FLACC1: variants seen among roughly 807,000 people sequenced by gnomAD.
FLACC1 encodes flagellum-associated coiled-coil domain-containing protein 1.
FLACC1 carries 66 observed loss-of-function variants against 62.8 expected under a neutral mutation model. That is an observed-to-expected ratio of 1.05 (90% CI 0.86 to 1.29). FLACC1 has a LOEUF of 1.29. Ranked by LOEUF, FLACC1 falls within the 50% of genes most tolerant of loss-of-function variation. The pLI, the probability that FLACC1 is intolerant of heterozygous loss-of-function variation, is 0.00. For synonymous variants in FLACC1, 156 were observed against 161.0 expected (o/e 0.97, Z 0.24); for missense variants, 452 against 489.1 (o/e 0.92, Z 0.71).
Position 201,350,681 on chromosome 2 carries a change from AAAAAC to A in FLACC1, c.185+25_185+29del, listed in dbSNP as rs755018300. 2.1e-4 allele frequency: 333 copies of A among 1,600,026 alleles called. No individual in the cohort carries two copies. The East Asian group carries it at 3.3e-3, about 16-fold the overall frequency. On this transcript the variant is annotated intron_variant, in intron 3 of 14. Transcript: ENST00000392257. ...GGGCAACAGAGTGAGACTCCATCTC[AAAAAC>A]AAAACAAAACAAAACAATACTTACT... is the stretch of plus-strand genomic sequence containing the variant.
intron 9 of FLACC1, among the ~76,000 whole-genome samples, chr2:201,321,413 TC>T (rs1950401422): frequency 1.3e-5 from 2 of 152,182 alleles, no homozygotes; most frequent in Admixed American, 1.3e-4. Flanking sequence ...GTGGGAAGTT[TC>T]TTTCAGCAGA....
At chr2:201,293,771 C>T (rs2125536633) in intron 12 of FLACC1, among the ~76,000 whole-genome samples, 1 of 151,634 alleles carries the variant, frequency 6.6e-6, no homozygotes, top group South Asian at 2.1e-4. Flanking sequence ...TAATAGAATG[C>T]TAGCAAGACT....
rs1219524642 is a variant in FLACC1, at chr2:201,297,846, G to A, written c.942+1392C>T. ...GAGAAAAGCAAGTGTTGGGCAGGGA[G>A]CGGAGCCCTTAAATCGGGCACCTTC... is the stretch of plus-strand genomic sequence containing the variant. On this transcript the variant is annotated intron_variant, in intron 12 of 14. Transcript: ENST00000392257. Among the ~76,000 whole-genome samples, 4 of 152,298 alleles carry A rather than the reference G, an allele frequency of 2.6e-5. No individual in the cohort carries two copies. In the South Asian group the frequency reaches 8.3e-4, roughly 32 times the overall value.
chr2:201,326,726 G>C lies in FLACC1; in HGVS notation c.675+3744C>G, dbSNP rs1950506736. Among the ~76,000 whole-genome samples the C allele has an allele frequency of 6.6e-6, 1 of 152,104 alleles. No homozygotes were observed. The highest frequency in any genetic ancestry group is 2.1e-4 in the South Asian group (1 of 4,830). On this transcript the variant is annotated intron_variant, in intron 9 of 14. Transcript: ENST00000392257. This position sits in a 1 kb window ranked among gnomAD's most constrained non-coding sequence, Gnocchi z 4.1. ...CATGGATTGGAAGAATCAACGTTGT[G>C]AAAATGACCATACTGCCCAAAGTAA...
chr2:201,288,458 C>CATT lies in FLACC1; in HGVS notation c.*194_*196dup. On this transcript the variant is annotated 3_prime_UTR_variant, in exon 15 of 15. Transcript: ENST00000392257. Reference sequence around the variant, plus strand: ...GCTCAGCTCCCAGTATGGAGAGCATCATTTTTCAGTGAAGAGTCCGTGATA... The same window carrying CATT: ...GCTCAGCTCCCAGTATGGAGAGCATCATTATTTTTCAGTGAAGAGTCCGTGATA... The CATT allele has an allele frequency of 3.6e-6, 2 of 550,034 alleles. No individual in the cohort carries two copies. The highest frequency in any genetic ancestry group is 6.0e-6 in the Non-Finnish European group (2 of 335,150). 34.1% of individuals were successfully genotyped at this position (550,034 alleles called of 1,614,324 possible).
intron 4 of FLACC1, 124 bp downstream of exon 4, chr2:201,348,130 A>G: frequency 1.1e-6 from 1 of 940,418 alleles, no homozygotes; most frequent in Non-Finnish European, 1.5e-6. Flanking sequence ...TATTAACAGC[A>G]CCTCCTCCCA....
chr2:201,350,072 C>G (rs1045740860), intron 3 of FLACC1, among the ~76,000 whole-genome samples: 3 of 152,166 alleles, frequency 2.0e-5, no homozygotes, highest in African/African-American at 7.2e-5. Context: ...TGCCTGAAAC[C>G]ATTTCTGCCT....
At chr2:201,340,794 A>C (rs1950792464) in intron 7 of FLACC1, among the ~76,000 whole-genome samples, 1 of 152,180 alleles carries the variant, frequency 6.6e-6, no homozygotes, top group Non-Finnish European at 1.5e-5. Context: ...TCTGTAAGGC[A>C]GGCATAGTGG....
intron 12 of FLACC1, among the ~76,000 whole-genome samples, chr2:201,293,817 C>A (rs1323888310): frequency 2.0e-5 from 3 of 148,766 alleles, no homozygotes; most frequent in Non-Finnish European, 4.5e-5. Context: ...CAAATAGACG[C>A]AAAAAAAAAC....
At chr2:201,291,271 C>A (rs1481398360) in intron 12 of FLACC1, among the ~76,000 whole-genome samples, 2 of 152,188 alleles carry the variant, frequency 1.3e-5, no homozygotes, top group African/African-American at 4.8e-5. Context: ...CTGGGAGGCA[C>A]CCCCCAGTAG....
At chr2:201,303,102 G>A (rs1171079727) in intron 11 of FLACC1, among the ~76,000 whole-genome samples, 2 of 102,198 alleles carry the variant, frequency 2.0e-5, no homozygotes, top group African/African-American at 6.9e-5. Flanking sequence ...GAAGGAGATA[G>A]AGACACAAAA....
intron 9 of FLACC1, among the ~76,000 whole-genome samples, chr2:201,310,520 C>T (rs1248692955): frequency 1.3e-5 from 2 of 152,100 alleles, no homozygotes; most frequent in African/African-American, 2.4e-5. Flanking sequence ...CAGTCCTTTC[C>T]CGCCCCACTA....
Position 201,355,127 on chromosome 2 carries a change from A to C in FLACC1, c.-48+1855T>G, listed in dbSNP as rs1268195835. ...GGGCGAAACCCCGTCTCTACTAAAA[A>C]CACAAAAATTAGCCAGGCATGGTGG... On this transcript the variant is annotated intron_variant, in intron 1 of 14. Transcript: ENST00000392257. Among the ~76,000 whole-genome samples, 7 of 152,050 alleles carry C rather than the reference A, an allele frequency of 4.6e-5. No individual in the cohort carries two copies. The East Asian group carries it at 1.2e-3, about 25-fold the overall frequency.
intron 11 of FLACC1, among the ~76,000 whole-genome samples, chr2:201,303,219 T>G (rs977524478): frequency 1.5e-4 from 23 of 151,924 alleles, no homozygotes; most frequent in Non-Finnish European, 3.4e-4. Flanking sequence ...AAGAATCAAA[T>G]AGACGCAATA....
At chr2:201,359,049 T>C (rs1236580389), upstream of FLACC1, among the ~76,000 whole-genome samples, 1 of 152,212 alleles carries the variant, frequency 6.6e-6, no homozygotes, top group Non-Finnish European at 1.5e-5. Flanking sequence ...TAAAAGTCTG[T>C]GGCAGTGGTC....
intron 7 of FLACC1, among the ~76,000 whole-genome samples, chr2:201,333,572 A>G (rs542945552): frequency 2.1e-4 from 20 of 96,902 alleles, no homozygotes; most frequent in African/African-American, 7.4e-4. Context: ...ACCCCATAAC[A>G]GTCCCCAGAG....
chr2:201,303,255 C>T (rs910245110), intron 11 of FLACC1, among the ~76,000 whole-genome samples: 1 of 152,052 alleles, frequency 6.6e-6, no homozygotes, highest in Admixed American at 6.5e-5. Context: ...GATATCACCA[C>T]CGATCCCACA....
chr2:201,322,187 T>C (rs944794914), intron 9 of FLACC1, among the ~76,000 whole-genome samples: 6 of 151,140 alleles, frequency 4.0e-5, no homozygotes, highest in African/African-American at 1.5e-4. Flanking sequence ...AAGAATCACT[T>C]GAACCCAGGA....
At chr2:201,304,969 C>G (rs1240800795) in intron 11 of FLACC1, among the ~76,000 whole-genome samples, 1 of 152,172 alleles carries the variant, frequency 6.6e-6, no homozygotes, top group Non-Finnish European at 1.5e-5. Flanking sequence ...AGACCTAAAA[C>G]CATAAAAACC....
Sources: gnomAD v4.1 joint callset for allele counts (sites outside exome capture counted in the v4.1 genomes callset) on GRCh38, gnomAD v4.1.1 for gene constraint, Gnocchi (gnomAD v3.1) non-coding constraint, MANE v1.5 for transcripts, NCBI Gene and HGNC (gene_info 2026-07-23, HGNC 2026-07-21) for gene names.